Variants in RABGAP1L observed in about 807,000 individuals in gnomAD.
RABGAP1L encodes the protein rab GTPase-activating protein 1-like.
Under a neutral mutation model 137.7 loss-of-function variants are expected in RABGAP1L, and 63 were observed. That is an observed-to-expected ratio of 0.46 (90% CI 0.37 to 0.56). RABGAP1L has a LOEUF of 0.56. Among genes scored for constraint, RABGAP1L ranks in the 20% least tolerant of loss-of-function variants. RABGAP1L has a pLI of 0.00. For missense variants in RABGAP1L, 1,095 were observed against 1,244.0 expected (o/e 0.88, Z 1.80); for synonymous variants, 431 against 433.7 (o/e 0.99, Z 0.08).
At chr1:174,425,427 A>G (rs969888630) in intron 13 of RABGAP1L, among the ~76,000 whole-genome samples, 11 of 152,190 alleles carry the variant, frequency 7.2e-5, no homozygotes, top group Non-Finnish European at 1.0e-4. Context: ...TCTGTCATCC[A>G]GTGAATAAGT....
chr1:174,937,729 C>T (rs1665121177), intron 19 of RABGAP1L, among the ~76,000 whole-genome samples: 1 of 144,772 alleles, frequency 6.9e-6, no homozygotes, highest in Middle Eastern at 3.5e-3. Flanking sequence ...TGGAGTCTTG[C>T]TTTATCACCC....
chr1:174,489,115 T>C (rs975923965), intron 13 of RABGAP1L, among the ~76,000 whole-genome samples: 1 of 151,946 alleles, frequency 6.6e-6, no homozygotes, highest in Non-Finnish European at 1.5e-5. Flanking sequence ...GACATAGGCA[T>C]GGGCAAGGAC....
chr1:174,171,639 T>G (rs1665390162), intron 1 of RABGAP1L, among the ~76,000 whole-genome samples: 1 of 148,198 alleles, frequency 6.7e-6, no homozygotes, highest in Non-Finnish European at 1.5e-5. Context: ...TCCCATTTCG[T>G]CCCCCTCCTT....
intron 10 of RABGAP1L, among the ~76,000 whole-genome samples, chr1:174,295,008 T>A (rs550483197): frequency 1.3e-5 from 2 of 152,260 alleles, no homozygotes; most frequent in South Asian, 4.2e-4. Flanking sequence ...AACCTCTGTT[T>A]CCCAGGTTCA....
chr1:174,949,305 C>T (rs1218891097), intron 19 of RABGAP1L, among the ~76,000 whole-genome samples: 1 of 152,220 alleles, frequency 6.6e-6, no homozygotes, highest in Non-Finnish European at 1.5e-5. Context: ...AGATTTAGTA[C>T]AGCAACTATG....
chr1:174,755,232 G>T (rs1684646050), intron 18 of RABGAP1L, among the ~76,000 whole-genome samples: 1 of 152,140 alleles, frequency 6.6e-6, no homozygotes, highest in African/African-American at 2.4e-5. Flanking sequence ...AGCCTATCAG[G>T]TAGCTAAAAA....
rs554061082 is a variant in RABGAP1L at position 174,481,893 on chromosome 1, GAA to G, written c.1710+87756_1710+87757del. Among the ~76,000 whole-genome samples, 51 of 132,358 alleles carry G rather than the reference GAA, an allele frequency of 3.9e-4. 1 individual carries two copies. The Admixed American group carries it at 3.9e-3, about 10-fold the overall frequency. The allele number at this position is 132,358 out of a possible 152,430, so 86.8% of individuals were successfully genotyped here. ...GTATAATAAAAAATAAAAAAAAAAA[GAA>G]AAAAAAAGAAAAAAAAAAGAAACCA... On this transcript the variant is annotated intron_variant, in intron 13 of 25. Coordinates refer to ENST00000681986, the MANE Select transcript of RABGAP1L (RefSeq NM_001366446.1).
At chr1:174,490,630 A>G (rs966718126) in intron 13 of RABGAP1L, among the ~76,000 whole-genome samples, 2 of 152,166 alleles carry the variant, frequency 1.3e-5, no homozygotes, top group African/African-American at 4.8e-5. Flanking sequence ...GCAGGTAGCA[A>G]TGCCAGAAAG....
intron 12 of RABGAP1L, among the ~76,000 whole-genome samples, chr1:174,385,904 T>C (rs1686725308): frequency 6.6e-6 from 1 of 152,194 alleles, no homozygotes; most frequent in Admixed American, 6.5e-5. Flanking sequence ...AGTTTTGCTA[T>C]AAAAGGATGA....
chr1:174,948,531 A>AAAAC (rs1553291563), intron 19 of RABGAP1L, among the ~76,000 whole-genome samples: 1 of 147,522 alleles, frequency 6.8e-6, no homozygotes. Flanking sequence ...AAAAAAAAAA[A>AAAAC]AGGAGTGTAA....
chr1:174,283,927 A>G (rs532581521), intron 10 of RABGAP1L, among the ~76,000 whole-genome samples: 2 of 152,310 alleles, frequency 1.3e-5, no homozygotes, highest in East Asian at 3.9e-4. Context: ...TTTAGTATAC[A>G]GGTTTTACAC....
chr1:174,438,733 A>AGTGT (rs1167772942), intron 13 of RABGAP1L, among the ~76,000 whole-genome samples: 5 of 86,948 alleles, frequency 5.8e-5, no homozygotes, highest in South Asian at 3.8e-4. Flanking sequence ...ACCCAAAAAA[A>AGTGT]GTGTGTGTGT....
intron 18 of RABGAP1L, among the ~76,000 whole-genome samples, chr1:174,767,160 T>A (rs1210407405): frequency 1.3e-5 from 2 of 152,190 alleles, no homozygotes; most frequent in Non-Finnish European, 2.9e-5. Context: ...TGTATAAAAC[T>A]AAGCTGTTCT....
chr1:174,540,685 T>C (rs927980459), intron 13 of RABGAP1L, among the ~76,000 whole-genome samples: 3 of 126,526 alleles, frequency 2.4e-5, no homozygotes, highest in African/African-American at 7.6e-5. Flanking sequence ...CATGCTGTTT[T>C]GGTTACTGTA....
intron 14 of RABGAP1L, among the ~76,000 whole-genome samples, chr1:174,651,682 T>G (rs1049233056): frequency 2.6e-5 from 4 of 152,204 alleles, no homozygotes; most frequent in Non-Finnish European, 4.4e-5. Context: ...GTTTTCCATT[T>G]GCTTGGTAGA....
intron 19 of RABGAP1L, among the ~76,000 whole-genome samples, chr1:174,902,113 G>A (rs925736936): frequency 6.6e-6 from 1 of 152,196 alleles, no homozygotes; most frequent in African/African-American, 2.4e-5. Context: ...CACACCTGTA[G>A]GAGGTGGCTG....
chr1:174,596,056 G>C (rs1160524163), intron 13 of RABGAP1L, among the ~76,000 whole-genome samples: 1 of 114,322 alleles, frequency 8.7e-6, no homozygotes, highest in African/African-American at 4.4e-5. Context: ...ATAGTCTCGT[G>C]GTGCGCCGTT....
intron 18 of RABGAP1L, among the ~76,000 whole-genome samples, chr1:174,807,564 G>A (rs757221721): frequency 1.5e-4 from 23 of 152,150 alleles, no homozygotes; most frequent in Non-Finnish European, 3.1e-4. Flanking sequence ...GGCATTTGAG[G>A]TAATACTTAA....
chr1:174,496,664 C>T (rs559644454), intron 13 of RABGAP1L, among the ~76,000 whole-genome samples: 9 of 152,300 alleles, frequency 5.9e-5, no homozygotes, highest in African/African-American at 2.2e-4. Context: ...CAACCAATTG[C>T]CTGACCTACA....
Sources: gnomAD v4.1 joint callset for allele counts (sites outside exome capture counted in the v4.1 genomes callset) on GRCh38, gnomAD v4.1.1 for gene constraint, MANE v1.5 for transcripts, NCBI Gene and HGNC (gene_info 2026-07-23, HGNC 2026-07-21) for gene names.